Variants in IGFBPL1 observed in about 807,000 individuals in gnomAD.
IGFBPL1 encodes the protein insulin like growth factor binding protein like 1, also known as insulin-like growth factor-binding protein-like 1.
Under a neutral mutation model 23.9 loss-of-function variants are expected in IGFBPL1, and 20 were observed. That is an observed-to-expected ratio of 0.84 (90% CI 0.59 to 1.22). The LOEUF is 1.22. IGFBPL1 is among the 50% of genes most tolerant of loss of function. The pLI, the probability that IGFBPL1 is intolerant of heterozygous loss-of-function variation, is 0.00. For missense variants in IGFBPL1, 436 were observed against 379.3 expected (o/e 1.15, Z -1.24); for synonymous variants, 184 against 171.8 (o/e 1.07, Z -0.56).
intron 1 of IGFBPL1, among the ~76,000 whole-genome samples, chr9:38,422,907 TAA>T (rs947868745): frequency 6.6e-6 from 1 of 152,178 alleles, no homozygotes; most frequent in African/African-American, 2.4e-5. Flanking sequence ...TTCTTGAAGC[TAA>T]GTCATTACAC....
intron 1 of IGFBPL1, among the ~76,000 whole-genome samples, chr9:38,415,866 C>T (rs559688854): frequency 1.3e-5 from 2 of 152,150 alleles, no homozygotes; most frequent in African/African-American, 4.8e-5. Context: ...CCTCCCCATC[C>T]CAGGCTGCTT....
At chr9:38,420,224 G>A (rs1186722485) in intron 1 of IGFBPL1, among the ~76,000 whole-genome samples, 1 of 152,122 alleles carries the variant, frequency 6.6e-6, no homozygotes, top group Non-Finnish European at 1.5e-5. Context: ...ACTACTCTGG[G>A]GTGTCATCTC....
rs201714178 is a variant in IGFBPL1 at position 38,413,359 on chromosome 9, G to A, written c.571-6C>T. 132 of 1,588,310 alleles carry A rather than the reference G, an allele frequency of 8.3e-5. No individual in the cohort carries two copies. In the East Asian group the frequency reaches 2.9e-3, roughly 34 times the overall value. ...CCCTCAGGGGACTTCGTGACCTACA[G>A]GGGACAGGAATGCCAGGAGGGGGCT... On this transcript the variant is annotated splice_region_variant and splice_polypyrimidine_tract_variant and intron_variant, in intron 2 of 4. Transcript: ENST00000377694.
chr9:38,422,768 C>A (rs1395694318), intron 1 of IGFBPL1, among the ~76,000 whole-genome samples: 1 of 152,210 alleles, frequency 6.6e-6, no homozygotes, highest in Non-Finnish European at 1.5e-5. Context: ...GGACTGGAGG[C>A]TTCCTGCCCC....
intron 4 of IGFBPL1, 87 bp downstream of exon 4, chr9:38,411,304 T>C: frequency 8.4e-7 from 1 of 1,188,514 alleles, no homozygotes; most frequent in Non-Finnish European, 1.2e-6. Flanking sequence ...TTACGTATTT[T>C]TCTTCTTTTT....
At chr9:38,416,222 C>T (rs559019469) in intron 1 of IGFBPL1, among the ~76,000 whole-genome samples, 5 of 152,344 alleles carry the variant, frequency 3.3e-5, no homozygotes, top group African/African-American at 1.2e-4. Context: ...GACTCTCAAT[C>T]AGCCTGGTTT....
intron 1 of IGFBPL1, among the ~76,000 whole-genome samples, chr9:38,421,731 G>T (rs199751629): frequency 1.3e-5 from 2 of 152,214 alleles, no homozygotes; most frequent in East Asian, 3.8e-4. Flanking sequence ...ATGAGCTGCT[G>T]CCTGGGCTAG....
chr9:38,424,070 C>T lies in IGFBPL1; in HGVS notation c.355G>A (p.Gly119Ser). 1.4e-6 allele frequency: 2 copies of T among 1,396,506 alleles called. No individual in the cohort carries two copies. The highest frequency in any genetic ancestry group is 1.8e-6 in the Non-Finnish European group (2 of 1,081,150). 86.5% of individuals were successfully genotyped at this position (1,396,506 alleles called of 1,614,324 possible). ...GCGCAGACGCTGGGGTACGAGCGAC[C>T]GTCGGAGCCGCAGACGGTGCCGCGC... The part of the protein sequence containing the change: ...AQRGTVCGSD[G>S]RSYPSVCALR... The change falls in exon 1 of 5, where the codon GGT becomes AGT. Residue 119 changes from glycine to serine, a missense_variant. By Grantham distance (56) the Gly-to-Ser change is moderately conservative. Transcript: ENST00000377694.
At position 38,424,281 on chromosome 9, in the gene IGFBPL1, C is replaced by G; in HGVS notation, c.144G>C (p.Ala48=). The G allele has an allele frequency of 8.1e-7, 1 of 1,238,872 alleles. No homozygotes were observed. The allele number at this position is 1,238,872 out of a possible 1,614,324, so 76.7% of individuals were successfully genotyped here. A position where few individuals can be genotyped will look rare whatever the true frequency, so the allele number is the denominator to read the frequency against. ...TCCCGGGCGCCGGGCAGGGCGCAGG[C>G]GCCGGGCAGCCCTCTGGCCGGCACG... ...CGPCRPEGCP[A]PAPCPAPGIS... The change falls in exon 1 of 5, where the codon GCG becomes GCC. Residue 48 remains alanine (A), a synonymous_variant. Coordinates refer to ENST00000377694, the MANE Select transcript of IGFBPL1 (RefSeq NM_001007563.3).
chr9:38,414,536 T>C (rs1563919710), intron 1 of IGFBPL1, among the ~76,000 whole-genome samples: 1 of 152,102 alleles, frequency 6.6e-6, no homozygotes, highest in African/African-American at 2.4e-5. Flanking sequence ...CCATCTGCTA[T>C]AGCTCAACCA....
At chr9:38,415,014 G>A (rs949068587) in intron 1 of IGFBPL1, among the ~76,000 whole-genome samples, 8 of 152,184 alleles carry the variant, frequency 5.3e-5, no homozygotes, top group Admixed American at 5.2e-4. Flanking sequence ...ACCTGCATTG[G>A]ACAGCAACTC....
In IGFBPL1 at chr9:38,413,303, G is replaced by A; in HGVS notation, c.621C>T (p.Asp207=). 1.9e-6 allele frequency: 3 copies of A among 1,614,070 alleles called. No homozygotes were observed. The highest frequency in any genetic ancestry group is 2.5e-6 in the Non-Finnish European group (3 of 1,179,986). The change falls in exon 3 of 5, where the codon GAC becomes GAT. Residue 207 remains aspartate (D), a synonymous_variant. Coordinates refer to ENST00000377694, the MANE Select transcript of IGFBPL1 (RefSeq NM_001007563.3). ...GCACTTGGACAGCTATATTGACATG[G>A]TCCCCAGGCAGCTCCTCCAGTGCTT... is the stretch of plus-strand genomic sequence containing the variant. ...GTQALEELPG[D]HVNIAVQVRG... is the part of the protein sequence containing the mutation.
chr9:38,423,940 C>T (rs1821718435), intron 1 of IGFBPL1, 25 bp downstream of exon 1: 2 of 1,348,648 alleles, frequency 1.5e-6, no homozygotes, highest in Non-Finnish European at 1.9e-6. Context: ...CTTCTCTACC[C>T]ACCCAATCCC....
Position 38,411,439 on chromosome 9 carries a change from G to A in IGFBPL1, c.798C>T (p.Tyr266=), listed in dbSNP as rs1248757490. The change falls in exon 4 of 5, where the codon TAC becomes TAT. Residue 266 remains tyrosine, a synonymous_variant. Coordinates refer to ENST00000377694, the MANE Select transcript of IGFBPL1 (RefSeq NM_001007563.3). The stretch of plus-strand genomic sequence containing the variant: ...CGGGAGCTGGGAAGTGGAAGCTCCT[G>A]TATTTACTCAGATCTAGAACCGTCA... ...STVTVLDLSK[Y]RSFHFPAPDD... is the part of the protein sequence containing the mutation. 3.1e-6 allele frequency: 5 copies of A among 1,613,918 alleles called. No individual in the cohort carries two copies. The highest frequency in any genetic ancestry group is 3.3e-5 in the Admixed American group (2 of 59,996).
chr9:38,417,087 T>C (rs970368553), intron 1 of IGFBPL1, among the ~76,000 whole-genome samples: 1 of 152,346 alleles, frequency 6.6e-6, no homozygotes, highest in South Asian at 2.1e-4. Context: ...GTTATTATGC[T>C]ATCAGCTAGC....
chr9:38,410,249 A>G (rs1342220248), intron 4 of IGFBPL1, among the ~76,000 whole-genome samples: 7 of 152,156 alleles, frequency 4.6e-5, no homozygotes, highest in Non-Finnish European at 7.3e-5. Flanking sequence ...TTGGGATGCC[A>G]AGGCGGGCGG....
At chr9:38,413,078 T>C (rs1404951440) in intron 3 of IGFBPL1, among the ~76,000 whole-genome samples, 159 bp downstream of exon 3, 1 of 152,172 alleles carries the variant, frequency 6.6e-6, no homozygotes, top group African/African-American at 2.4e-5. Context: ...ACACGTATGT[T>C]CCCAGCAGAT....
chr9:38,409,778 T>A (rs1055467776), intron 4 of IGFBPL1, among the ~76,000 whole-genome samples: 1 of 152,200 alleles, frequency 6.6e-6, no homozygotes, highest in Non-Finnish European at 1.5e-5. Flanking sequence ...TTTCACAGTT[T>A]TACATTTTCA....
At chr9:38,422,793 A>C (rs1473992799) in intron 1 of IGFBPL1, among the ~76,000 whole-genome samples, 3 of 152,102 alleles carry the variant, frequency 2.0e-5, no homozygotes, top group Admixed American at 2.0e-4. Context: ...CCAACAACCC[A>C]TTGCGTCTCC....
Sources: gnomAD v4.1 joint callset for allele counts (sites outside exome capture counted in the v4.1 genomes callset) on GRCh38, gnomAD v4.1.1 for gene constraint, MANE v1.5 for transcripts, NCBI Gene and HGNC (gene_info 2026-07-23, HGNC 2026-07-21) for gene names.